The following PLEKHS1 variants were observed in gnomAD, a reference collection of about 807,000 sequenced individuals.
PLEKHS1 encodes pleckstrin homology domain containing S1.
In PLEKHS1, 55 loss-of-function variants were observed where a neutral mutation model predicts 51.0. The ratio of observed to expected loss-of-function variants is 1.08; its 90% confidence interval spans 0.87 to 1.35. PLEKHS1 has a LOEUF of 1.35. PLEKHS1 is among the 40% of genes most tolerant of loss of function. PLEKHS1 has a pLI of 0.00. For missense variants in PLEKHS1, 398 were observed against 423.0 expected (o/e 0.94, Z 0.52); for synonymous variants, 153 against 144.8 (o/e 1.06, Z -0.41).
At chr10:113,768,057 T>C (rs1280320341) in intron 5 of PLEKHS1, among the ~76,000 whole-genome samples, 1 of 152,116 alleles carries the variant, frequency 6.6e-6, no homozygotes, top group African/African-American at 2.4e-5. Context: ...TACAAATTCA[T>C]TGTATTTTTG....
chr10:113,756,165 G>T (rs1480333226), intron 2 of PLEKHS1, among the ~76,000 whole-genome samples: 1 of 152,138 alleles, frequency 6.6e-6, no homozygotes, highest in Non-Finnish European at 1.5e-5. Flanking sequence ...TGTTGCAGGG[G>T]ATATACAGAT....
At position 113,768,871 on chromosome 10, in the gene PLEKHS1, C is replaced by G. The variant is rs1844277439; in HGVS notation, c.416C>G (p.Ala139Gly). The change falls in exon 6 of 12, where the codon GCA becomes GGA. Residue 139 changes from alanine (A) to glycine (G), a missense_variant. Transcript: ENST00000361048. ...TCATCATTTCGCCAGGATATAAAAG[C>G]AACACAGCAGAACACAGAGGTGACT... is the stretch of plus-strand genomic sequence containing the variant. 1 of 1,613,444 alleles carries G rather than the reference C, an allele frequency of 6.2e-7. No individual in the cohort carries two copies. Among genetic ancestry groups the G allele is most frequent in the Non-Finnish European group, 8.5e-7 (1 of 1,179,758 alleles).
chr10:113,759,300 A>C (rs907746935), intron 2 of PLEKHS1, among the ~76,000 whole-genome samples: 1 of 152,184 alleles, frequency 6.6e-6, no homozygotes, highest in Non-Finnish European at 1.5e-5. Context: ...GCTACTCAGG[A>C]GGCTGAGGCA....
intron 2 of PLEKHS1, among the ~76,000 whole-genome samples, chr10:113,764,576 C>T (rs375556671): frequency 6.6e-6 from 1 of 152,000 alleles, no homozygotes; most frequent in Non-Finnish European, 1.5e-5. Context: ...CCTTGGTGTA[C>T]TTTTCTTTGT....
At chr10:113,778,549 A>G (rs552331606) in intron 11 of PLEKHS1, among the ~76,000 whole-genome samples, 1 of 152,010 alleles carries the variant, frequency 6.6e-6, no homozygotes, top group South Asian at 2.1e-4. Context: ...ATTACTCATT[A>G]CCCTAAATGA....
rs781264242 is a variant in PLEKHS1, at chr10:113,767,450, CAG to C, written c.331_332del (p.Arg111GlyfsTer13). The C allele has an allele frequency of 3.9e-5, 63 of 1,613,144 alleles. No homozygotes were observed. In the South Asian group the frequency reaches 6.5e-4, roughly 17 times the overall value. ...AGGTCATGTCCATCAGAACCACTAACAGGGAATACTTCCTCATTGGCCACGAC... is the reference window on the plus strand; with the variant it reads ...AGGTCATGTCCATCAGAACCACTAACGGAATACTTCCTCATTGGCCACGAC... On this transcript the variant is annotated frameshift_variant, in exon 5 of 12. Coordinates refer to ENST00000361048, the Ensembl canonical transcript of PLEKHS1. LOFTEE classifies it high-confidence loss of function.
intron 8 of PLEKHS1, among the ~76,000 whole-genome samples, chr10:113,772,497 G>A (rs1010300146): frequency 1.3e-5 from 2 of 152,144 alleles, no homozygotes; most frequent in African/African-American, 2.4e-5. Context: ...GTTGTGTGCT[G>A]TGTATCGATC....
chr10:113,762,365 C>CTTTTTTTTTTTTTTTTTTTTTTCT (rs34457408), intron 2 of PLEKHS1, among the ~76,000 whole-genome samples: 13 of 61,782 alleles, frequency 2.1e-4, no homozygotes, highest in Non-Finnish European at 2.7e-4. Context: ...AGATTTGTTC[C>CTTTTTTTTTTTTTTTTTTTTTTCT]TTTTTTTTTT....
chr10:113,778,067 A>G lies in PLEKHS1; in HGVS notation c.1091+2201A>G, dbSNP rs1295289993. 1.5e-5 allele frequency: 3 copies of G among 199,380 alleles called. No individual in the cohort carries two copies. In the East Asian group the frequency reaches 3.6e-4, roughly 24 times the overall value. 12.4% of individuals were successfully genotyped at this position (199,380 alleles called of 1,614,324 possible). A position where few individuals can be genotyped will look rare whatever the true frequency, so the allele number is the denominator to read the frequency against. ...TATGTTGTTTTTTCAAGGACTAGCT[A>G]TTGTCCTGCATATCACTGCAGTCTT... On this transcript the variant is annotated intron_variant, in intron 11 of 11. Transcript: ENST00000361048.
exon 10 of PLEKHS1, chr10:113,774,871 G>T (rs1564826612): frequency 6.2e-7 from 1 of 1,614,102 alleles, no homozygotes; most frequent in Admixed American, 1.7e-5. Context: ...GCAGCAAAGA[G>T]GAACCCCAGA....
Position 113,767,124 on chromosome 10 carries a change from C to A in PLEKHS1, c.225-221C>A, listed in dbSNP as rs573687544. Among the ~76,000 whole-genome samples the A allele has an allele frequency of 9.9e-5, 15 of 152,122 alleles. No homozygotes were observed. In the South Asian group the frequency reaches 3.1e-3, roughly 32 times the overall value. ...AAACATAATTTGTGGAATCAAGAAT[C>A]CAATTAAAATAGAAATTTTTGAATC... On this transcript the variant is annotated intron_variant, in intron 4 of 11. Transcript: ENST00000361048.
intron 2 of PLEKHS1, among the ~76,000 whole-genome samples, chr10:113,762,911 CTA>C (rs1844006474): frequency 6.6e-6 from 1 of 152,016 alleles, no homozygotes; most frequent in South Asian, 2.1e-4. Context: ...TCTACTCATT[CTA>C]TGAGGCCAGC....
intron 2 of PLEKHS1, among the ~76,000 whole-genome samples, chr10:113,756,644 G>C (rs1376660385): frequency 6.6e-6 from 1 of 152,134 alleles, no homozygotes; most frequent in African/African-American, 2.4e-5. Flanking sequence ...ATTTGAGCTA[G>C]ACCCTATAGG....
intron 2 of PLEKHS1, among the ~76,000 whole-genome samples, chr10:113,756,339 T>C (rs1369290592): frequency 6.6e-6 from 1 of 152,126 alleles, no homozygotes; most frequent in Non-Finnish European, 1.5e-5. Context: ...GGTGCGCCTG[T>C]AATCCCAGCT....
chr10:113,780,266 A>T (rs558465826), intron 11 of PLEKHS1, among the ~76,000 whole-genome samples: 1 of 152,204 alleles, frequency 6.6e-6, no homozygotes, highest in South Asian at 2.1e-4. Context: ...TGTCTGGGGG[A>T]GTCCTGTCTG....
intron 1 of PLEKHS1, among the ~76,000 whole-genome samples, chr10:113,752,783 G>T (rs1853907826): frequency 1.3e-5 from 2 of 152,184 alleles, no homozygotes; most frequent in South Asian, 4.1e-4. Context: ...TGACTCTGGA[G>T]CCCTTTGCAG....
At chr10:113,766,262 CT>C (rs1844155608) in intron 2 of PLEKHS1, 148 bp from the exon 3 acceptor site, 9 of 590,058 alleles carry the variant, frequency 1.5e-5, no homozygotes, top group Admixed American at 7.1e-5. Flanking sequence ...ACATTTGGTC[CT>C]TTGTTTTCTT....
chr10:113,754,030 A>G (rs1268903395), intron 1 of PLEKHS1, among the ~76,000 whole-genome samples: 1 of 152,056 alleles, frequency 6.6e-6, no homozygotes, highest in African/African-American at 2.4e-5. Context: ...CTGGTCTGGA[A>G]TTCCTGACCT....
intron 2 of PLEKHS1, 35 bp from the exon 3 acceptor site, chr10:113,766,376 T>A: frequency 7.7e-7 from 1 of 1,306,118 alleles, no homozygotes; most frequent in Non-Finnish European, 1.1e-6. Context: ...CAGAAATTTA[T>A]GAGGAACAAA....
Sources: allele counts gnomAD v4.1 joint callset (sites outside exome capture counted in the v4.1 genomes callset), GRCh38; gene constraint gnomAD v4.1.1; transcripts MANE v1.5; gene names NCBI Gene and HGNC (gene_info 2026-07-23, HGNC 2026-07-21).